CCAR2: variants seen among roughly 807,000 people sequenced by gnomAD.
CCAR2 encodes cell cycle and apoptosis regulator protein 2.
In CCAR2, 21 loss-of-function variants were observed where a neutral mutation model predicts 108.1. The observed-to-expected ratio is 0.19, with a 90% CI of 0.14 to 0.28. The LOEUF (loss-of-function observed/expected upper bound fraction) is 0.28, where lower values mean the gene tolerates loss of function less well. CCAR2 is among the 10% of genes least tolerant of loss of function. The probability of loss-of-function intolerance (pLI) is 1.00; values close to 1 mark genes in which losing one functional copy is unlikely to be tolerated. For synonymous variants in CCAR2, 577 were observed against 472.8 expected, an observed-to-expected ratio of 1.22 and a Z score of -2.86; for missense variants, 1,126 against 1,177.0, an observed-to-expected ratio of 0.96 and a Z score of 0.63.
chr8:22,606,969 A>T lies in CCAR2; in HGVS notation c.302A>T (p.Asn101Ile). Residue 101 changes from asparagine to isoleucine, a missense_variant, in exon 5 of 21, where the codon AAC becomes ATC. By Grantham distance (149) the Asn-to-Ile change is moderately radical. Coordinates refer to ENST00000308511, the MANE Select transcript of CCAR2 (RefSeq NM_001393997.1). ...AAGGTGCTGGTGAAGGCTGCATACA[A>T]CCCAGGCCAGGCAGTGCCCTGGAAT... The part of the protein sequence containing the change: ...GEKVLVKAAY[N>I]PGQAVPWNAV... 1 of 1,614,050 alleles carries T rather than the reference A, an allele frequency of 6.2e-7. No individual in the cohort carries two copies. The highest frequency in any genetic ancestry group is 8.5e-7 in the Non-Finnish European group (1 of 1,180,012).
rs1281021213 is a variant in CCAR2, at chr8:22,606,090, G to A, written c.64G>A (p.Ala22Thr). The A allele has an allele frequency of 4.3e-6, 7 of 1,613,680 alleles. No homozygotes were observed. Among genetic ancestry groups the A allele is most frequent in the Non-Finnish European group, 5.9e-6 (7 of 1,179,674 alleles). ...LPGGRNFSGT[A>T]STSLLGPPPG... ...TTGCTTCTCTTTCCCCATAGGCACA[G>A]CTTCAACATCTCTTCTGGGCCCTCC... Residue 22 changes from alanine (A) to threonine (T), a missense_variant, in exon 3 of 21, where the codon GCT becomes ACT. Transcript: ENST00000308511.
chr8:22,615,928 C>A lies in CCAR2; in HGVS notation c.1608+16C>A, dbSNP rs1563921753. The A allele has an allele frequency of 1.9e-6, 3 of 1,613,606 alleles. No individual in the cohort carries two copies. The highest frequency in any genetic ancestry group is 2.7e-5 in the African/African-American group (2 of 75,004). Reference sequence around the variant, plus strand: ...CTCTTTTGAGGCAGGTGTCAAGAGTCTTGGGGAGGCTGTGGGCTGGGATTT... The same window carrying A: ...CTCTTTTGAGGCAGGTGTCAAGAGTATTGGGGAGGCTGTGGGCTGGGATTT... On this transcript the variant is annotated intron_variant, in intron 13 of 20. Coordinates refer to ENST00000308511, the MANE Select transcript of CCAR2 (RefSeq NM_001393997.1).
Position 22,619,966 on chromosome 8 carries a change from T to C in CCAR2, c.*284T>C, listed in dbSNP as rs1338890855. The C allele has an allele frequency of 1.5e-5, 7 of 479,512 alleles. No individual in the cohort carries two copies. The highest frequency in any genetic ancestry group is 3.4e-5 in the Admixed American group (1 of 29,580). 29.7% of individuals were successfully genotyped at this position (479,512 alleles called of 1,614,324 possible). A position where few individuals can be genotyped will look rare whatever the true frequency, so the allele number is the denominator to read the frequency against. Reference sequence around the variant, plus strand: ...AACCTTGGTATTTCTCCTGGGGCCCTTTTAGTCTTGTGCTGACTTTCTCCT... The same window carrying C: ...AACCTTGGTATTTCTCCTGGGGCCCCTTTAGTCTTGTGCTGACTTTCTCCT... On this transcript the variant is annotated 3_prime_UTR_variant, in exon 21 of 21. Transcript: ENST00000308511.
rs956927469 is a variant in CCAR2 at position 22,619,984 on chromosome 8, TTTCTCCTGTCCTC to T, written c.*306_*318del. The stretch of plus-strand genomic sequence containing the variant: ...GGGGCCCTTTTAGTCTTGTGCTGAC[TTTCTCCTGTCCTC>T]TTCCAGTTTAGAATAAGACAGGGGA... On this transcript the variant is annotated 3_prime_UTR_variant, in exon 21 of 21. Transcript: ENST00000308511. 6.8e-6 allele frequency: 3 copies of T among 443,538 alleles called. No individual in the cohort carries two copies. The highest frequency in any genetic ancestry group is 7.1e-5 in the Admixed American group (2 of 28,272). The allele number at this position is 443,538 out of a possible 1,614,324, so 27.5% of individuals were successfully genotyped here.
rs200400846 is a variant in CCAR2 at position 22,606,192 on chromosome 8, C to T, written c.150+16C>T. 6.3e-6 allele frequency: 10 copies of T among 1,596,120 alleles called. No individual in the cohort carries two copies. The African/African-American group carries it at 8.1e-5, about 13-fold the overall frequency. ...GCACCTTCAGGTAGGTTCGGCATCC[C>T]TTGTAGTAAGTTTCAGCCCTTGGGA... On this transcript the variant is annotated intron_variant, in intron 3 of 20. Coordinates refer to ENST00000308511, the MANE Select transcript of CCAR2 (RefSeq NM_001393997.1).
chr8:22,610,922 A>G (rs1361118289), intron 7 of CCAR2, among the ~76,000 whole-genome samples: 1 of 152,204 alleles, frequency 6.6e-6, no homozygotes, highest in Non-Finnish European at 1.5e-5. Context: ...TTTCTCCTCA[A>G]CTATTTTTAT....
chr8:22,606,546 C>T, intron 3 of CCAR2, 61 bp from the exon 4 acceptor site: 2 of 1,344,686 alleles, frequency 1.5e-6, no homozygotes, highest in South Asian at 2.4e-5. Context: ...ACCTTCATGG[C>T]AGAGTGTGAT....
In CCAR2 at chr8:22,619,706, CTG is replaced by C. The variant is rs373459177; in HGVS notation, c.*27_*28del. On this transcript the variant is annotated 3_prime_UTR_variant, in exon 21 of 21. Transcript: ENST00000308511. ...GACGGCCTCGCACGGAACTGCCATC[CTG>C]TGAGGGCAGCGGTGGCGCCCGGCAA... 52 of 1,558,934 alleles carry C rather than the reference CTG, an allele frequency of 3.3e-5. No individual in the cohort carries two copies. In the East Asian group the frequency reaches 1.1e-3, roughly 33 times the overall value.
intron 8 of CCAR2, 75 bp downstream of exon 8, chr8:22,613,211 G>C: frequency 1.4e-6 from 2 of 1,410,452 alleles, no homozygotes; most frequent in Non-Finnish European, 1.9e-6. Context: ...TGGCGTCTAT[G>C]CAAGTGCACA....
chr8:22,605,185 T>C (rs199504245), intron 1 of CCAR2: 39 of 187,942 alleles, frequency 2.1e-4, no homozygotes, highest in Non-Finnish European at 3.7e-4. Context: ...GGGAGCTGCC[T>C]TCCCACCAGC....
rs766877334 is a variant in CCAR2, at chr8:22,615,785, A to G, written c.1481A>G (p.Asp494Gly). The G allele has an allele frequency of 1.2e-6, 2 of 1,613,932 alleles. No homozygotes were observed. Among genetic ancestry groups the G allele is most frequent in the Admixed American group, 3.3e-5 (2 of 60,026 alleles). Residue 494 changes from aspartate to glycine, a missense_variant, in exon 13 of 21, where the codon GAC becomes GGC. Coordinates refer to ENST00000308511, the MANE Select transcript of CCAR2 (RefSeq NM_001393997.1). ...TPEATTQQET[D>G]TDLPEAPPPP... ...GAGGCCACCACACAGCAGGAAACGG[A>G]CACTGATCTCCCAGAGGCCCCTCCA...
At chr8:22,606,552 G>T (rs539037485) in intron 3 of CCAR2, 55 bp from the exon 4 acceptor site, 1 of 1,412,924 alleles carries the variant, frequency 7.1e-7, no homozygotes, top group Admixed American at 1.7e-5. Flanking sequence ...ATGGCAGAGT[G>T]TGATTTTGTC....
chr8:22,609,499 G>A (rs757478698), intron 7 of CCAR2, among the ~76,000 whole-genome samples: 1 of 152,034 alleles, frequency 6.6e-6, no homozygotes, highest in African/African-American at 2.4e-5. Context: ...TTTGCCATGG[G>A]GTTTCCACTG....
chr8:22,609,296 CA>C (rs1801195000), intron 7 of CCAR2, among the ~76,000 whole-genome samples: 1 of 152,090 alleles, frequency 6.6e-6, no homozygotes, highest in African/African-American at 2.4e-5. Flanking sequence ...CCTATCTCTA[CA>C]AAAAATAAGT....
Position 22,604,830 on chromosome 8 carries a change from C to T in CCAR2, c.-51C>T, listed in dbSNP as rs1292789155. On this transcript the variant is annotated 5_prime_UTR_variant, in exon 1 of 21. Coordinates refer to ENST00000308511, the MANE Select transcript of CCAR2 (RefSeq NM_001393997.1). The stretch of plus-strand genomic sequence containing the variant: ...TGTCTTTGTCCCCCCGGTGTCGCTG[C>T]CCTGGCCCGCAGGTGGGTTGGGGGG... 2.2e-6 allele frequency: 1 copy of T among 454,432 alleles called. No individual in the cohort carries two copies. The highest frequency in any genetic ancestry group is 2.0e-5 in the African/African-American group (1 of 49,990). The allele number at this position is 454,432 out of a possible 1,614,324, so 28.1% of individuals were successfully genotyped here.
At chr8:22,614,627 A>G (rs1302315746) in intron 10 of CCAR2, 124 bp downstream of exon 10, 1 of 1,062,254 alleles carries the variant, frequency 9.4e-7, no homozygotes, top group African/African-American at 1.6e-5. Context: ...AACACCCCTC[A>G]TTTCACCCAG....
intron 3 of CCAR2, among the ~76,000 whole-genome samples, 164 bp from the exon 4 acceptor site, chr8:22,606,443 C>T (rs1563903597): frequency 6.6e-6 from 1 of 152,168 alleles, no homozygotes; most frequent in East Asian, 1.9e-4. Flanking sequence ...CATGCCCCAA[C>T]CCCTAATGAT....
chr8:22,605,788 G>A lies in CCAR2; in HGVS notation c.15G>A (p.Lys5=), dbSNP rs1410132514. ...CAGCGTTCCCAATGTCCCAGTTTAA[G>A]CGCCAGCGGATCAACCCGCTTCCAG... MSQF[K]RQRINPLPGG... is the part of the protein sequence containing the mutation. Residue 5 remains lysine (K), a synonymous_variant, in exon 2 of 21, where the codon AAG becomes AAA. Transcript: ENST00000308511. 4 of 1,614,024 alleles carry A rather than the reference G, an allele frequency of 2.5e-6. No individual in the cohort carries two copies. Among genetic ancestry groups the A allele is most frequent in the Non-Finnish European group, 2.5e-6 (3 of 1,179,956 alleles).
At position 22,619,465 on chromosome 8, in the gene CCAR2, G is replaced by A. The variant is rs1801668588; in HGVS notation, c.2727+110G>A. On this transcript the variant is annotated intron_variant, in intron 20 of 20. Coordinates refer to ENST00000308511, the MANE Select transcript of CCAR2 (RefSeq NM_001393997.1). ...AGTGACCAGAGGGCCAGCAGGCACC[G>A]GCTTCGTCTTTCCATCGCTTGCCAG... 30 of 1,433,940 alleles carry A rather than the reference G, an allele frequency of 2.1e-5. No homozygotes were observed. The South Asian group carries it at 3.0e-4, about 14-fold the overall frequency. The allele number at this position is 1,433,940 out of a possible 1,614,324, so 88.8% of individuals were successfully genotyped here. A position where few individuals can be genotyped will look rare whatever the true frequency, so the allele number is the denominator to read the frequency against.
Sources: allele counts gnomAD v4.1 joint callset (sites outside exome capture counted in the v4.1 genomes callset), GRCh38; gene constraint gnomAD v4.1.1; transcripts MANE v1.5; gene names NCBI Gene and HGNC (gene_info 2026-07-23, HGNC 2026-07-21).